SHISA9: variants seen among roughly 807,000 people sequenced by gnomAD.
SHISA9 encodes shisa family member 9, also known as protein shisa-9.
Under a neutral mutation model 38.0 loss-of-function variants are expected in SHISA9, and 13 were observed. The observed-to-expected ratio is 0.34, with a 90% CI of 0.22 to 0.54. The LOEUF (loss-of-function observed/expected upper bound fraction) is 0.54. SHISA9 is among the 20% of genes least tolerant of loss of function. The probability of loss-of-function intolerance (pLI) is 0.91; values close to 1 mark genes in which losing one functional copy is unlikely to be tolerated. For synonymous variants in SHISA9, 275 were observed against 242.0 expected (o/e 1.14, Z -1.27); for missense variants, 538 against 575.8 (o/e 0.93, Z 0.67).
chr16:13,038,649 C>G (rs1041986025), intron 2 of SHISA9, among the ~76,000 whole-genome samples: 6 of 152,196 alleles, frequency 3.9e-5, no homozygotes, highest in African/African-American at 1.2e-4. Flanking sequence ...CCCAGGGAAG[C>G]CTTCTCCGAC....
rs561968305 is a variant in SHISA9 at position 13,158,230 on chromosome 16, A to G, written c.692-45164A>G. ...AGGCTTTGTCTTCAGACTGACCAACATTCAGATCCCAGCTTTGCCTCTCAC... is the reference window on the plus strand; with the variant it reads ...AGGCTTTGTCTTCAGACTGACCAACGTTCAGATCCCAGCTTTGCCTCTCAC... On this transcript the variant is annotated intron_variant, in intron 2 of 4. Transcript: ENST00000558583. Among the ~76,000 whole-genome samples the G allele has an allele frequency of 2.0e-5, 3 of 152,298 alleles. No individual in the cohort carries two copies. The South Asian group carries it at 6.2e-4, about 32-fold the overall frequency.
At chr16:13,453,478 C>T in the SHISA9 span, among the ~76,000 whole-genome samples, 1 of 152,150 alleles carries the variant, frequency 6.6e-6, no homozygotes, top group African/African-American at 2.4e-5. Context: ...TGGCTTTGCT[C>T]ACTCTTGAAT....
chr16:13,356,924 G>A, the SHISA9 span, among the ~76,000 whole-genome samples: 3 of 152,254 alleles, frequency 2.0e-5, no homozygotes, highest in South Asian at 2.1e-4. Context: ...GGGGTCAAAC[G>A]GCATTGCAGA....
At chr16:13,205,274 C>G (rs556795626) in intron 3 of SHISA9, among the ~76,000 whole-genome samples, 23 of 152,358 alleles carry the variant, frequency 1.5e-4, no homozygotes, top group South Asian at 1.5e-3. Context: ...GTCCCACATC[C>G]AGGAAAACCA....
chr16:12,918,801 C>T (rs188633226), intron 2 of SHISA9, among the ~76,000 whole-genome samples: 60 of 150,720 alleles, frequency 4.0e-4, no homozygotes, highest in African/African-American at 1.4e-3. Flanking sequence ...ATTCTACAAA[C>T]ACTACATTCT....
chr16:13,323,175 G>A, the SHISA9 span, among the ~76,000 whole-genome samples: 1 of 152,170 alleles, frequency 6.6e-6, no homozygotes, highest in East Asian at 1.9e-4. Flanking sequence ...ATTTATAGTA[G>A]TGCCTAGTAC....
the SHISA9 span, among the ~76,000 whole-genome samples, chr16:13,336,082 C>T: frequency 1.3e-5 from 2 of 152,148 alleles, no homozygotes; most frequent in African/African-American, 4.8e-5. Context: ...GTGGTGCCTC[C>T]TCACATCAGA....
intron 2 of SHISA9, among the ~76,000 whole-genome samples, chr16:13,079,191 T>A (rs1200251926): frequency 6.6e-6 from 1 of 152,188 alleles, no homozygotes; most frequent in Non-Finnish European, 1.5e-5. Context: ...TGCCATGATA[T>A]GTAGTTAGGG....
chr16:13,146,754 T>C (rs2050450753), intron 2 of SHISA9, among the ~76,000 whole-genome samples: 1 of 152,192 alleles, frequency 6.6e-6, no homozygotes, highest in Admixed American at 6.5e-5. Context: ...CAATCCCAGA[T>C]GTGCCTAATC....
At chr16:13,283,767 C>G in the SHISA9 span, among the ~76,000 whole-genome samples, 5 of 151,926 alleles carry the variant, frequency 3.3e-5, no homozygotes, top group Non-Finnish European at 5.9e-5. Context: ...ATTCTTGTGT[C>G]TTTGCTGGAT....
chr16:13,219,955 C>T (rs1183824201), intron 4 of SHISA9, among the ~76,000 whole-genome samples: 2 of 151,974 alleles, frequency 1.3e-5, no homozygotes, highest in Admixed American at 6.6e-5. Flanking sequence ...GAGACTCCAT[C>T]TCAGAAAAAG....
intron 2 of SHISA9, among the ~76,000 whole-genome samples, chr16:12,982,667 A>G (rs1343117904): frequency 6.6e-6 from 1 of 152,174 alleles, no homozygotes; most frequent in Non-Finnish European, 1.5e-5. Context: ...TTGCTAGGCT[A>G]GACCAGGTTT....
At chr16:13,187,292 C>T (rs2050834022) in intron 2 of SHISA9, among the ~76,000 whole-genome samples, 1 of 149,914 alleles carries the variant, frequency 6.7e-6, no homozygotes, top group South Asian at 2.1e-4. Flanking sequence ...GGATTGGCAC[C>T]TTGAGGGACA....
chr16:12,956,927 GAT>G (rs1256174844), intron 2 of SHISA9, among the ~76,000 whole-genome samples: 3 of 151,992 alleles, frequency 2.0e-5, no homozygotes, highest in Non-Finnish European at 4.4e-5. Flanking sequence ...TAAAGTTATA[GAT>G]ATATGTTTAT....
At chr16:13,543,080 C>A in the SHISA9 span, among the ~76,000 whole-genome samples, 1 of 152,214 alleles carries the variant, frequency 6.6e-6, no homozygotes, top group Non-Finnish European at 1.5e-5. Flanking sequence ...ATTTTTTGAG[C>A]ACCTACATTC....
intron 2 of SHISA9, among the ~76,000 whole-genome samples, chr16:13,166,000 C>T (rs1203568930): frequency 6.6e-6 from 1 of 152,186 alleles, no homozygotes; most frequent in Admixed American, 6.6e-5. Context: ...TCGCCAGCTA[C>T]TGAATTCTCC....
At chr16:13,457,268 T>G in the SHISA9 span, among the ~76,000 whole-genome samples, 1 of 152,070 alleles carries the variant, frequency 6.6e-6, no homozygotes, top group Non-Finnish European at 1.5e-5. Context: ...ATCGCACCAT[T>G]GCACTCCAGC....
At chr16:13,160,140 G>A (rs927790755) in intron 2 of SHISA9, among the ~76,000 whole-genome samples, 11 of 152,196 alleles carry the variant, frequency 7.2e-5, no homozygotes, top group Non-Finnish European at 1.5e-4. Flanking sequence ...GCCATATGAA[G>A]GCCTAGGGAA....
the SHISA9 span, among the ~76,000 whole-genome samples, chr16:13,285,874 C>G: frequency 2.0e-5 from 3 of 152,094 alleles, no homozygotes; most frequent in African/African-American, 7.2e-5. Context: ...ATCTTTCCAA[C>G]TCTGTCAGGG....
Sources: gnomAD v4.1 joint callset for allele counts (sites outside exome capture counted in the v4.1 genomes callset) on GRCh38, gnomAD v4.1.1 for gene constraint, MANE v1.5 for transcripts, NCBI Gene and HGNC (gene_info 2026-07-23, HGNC 2026-07-21) for gene names.